PIK3R6: variants seen among roughly 807,000 people sequenced by gnomAD.
The protein encoded by PIK3R6 is phosphoinositide-3-kinase regulatory subunit 6, also known as phosphoinositide 3-kinase regulatory subunit 6.
A neutral mutation model predicts 84.9 loss-of-function variants in PIK3R6; 91 were observed. That is an observed-to-expected ratio of 1.07 (90% confidence interval 0.90 to 1.28). PIK3R6 has a LOEUF of 1.28. Ranked by LOEUF, PIK3R6 falls within the 50% of genes most tolerant of loss-of-function variation. The pLI, the probability that PIK3R6 is intolerant of heterozygous loss-of-function variation, is 0.00. For synonymous variants in PIK3R6, 416 were observed against 411.4 expected (o/e 1.01, Z -0.13); for missense variants, 996 against 985.1 (o/e 1.01, Z -0.15).
chr17:8,848,554 CTG>C (rs2151293980), intron 2 of PIK3R6, among the ~76,000 whole-genome samples: 1 of 151,644 alleles, frequency 6.6e-6, no homozygotes. Flanking sequence ...ACAATGGTAT[CTG>C]TGTGTCTAAA....
At chr17:8,807,014 CTT>C (rs1428042658) in intron 18 of PIK3R6, among the ~76,000 whole-genome samples, 1 of 152,226 alleles carries the variant, frequency 6.6e-6, no homozygotes, top group Non-Finnish European at 1.5e-5. Context: ...TAAGTTTAGA[CTT>C]TCAAAAAGCC....
intron 1 of PIK3R6, among the ~76,000 whole-genome samples, chr17:8,851,460 G>A (rs1032387830): frequency 5.3e-5 from 8 of 152,196 alleles, no homozygotes; most frequent in Non-Finnish European, 1.0e-4. Flanking sequence ...TCGCGCCACT[G>A]CACTCCAGCC....
intron 1 of PIK3R6, among the ~76,000 whole-genome samples, chr17:8,859,434 A>T (rs1309489214): frequency 6.6e-6 from 1 of 152,202 alleles, no homozygotes; most frequent in African/African-American, 2.4e-5. Flanking sequence ...TCACCGCCCC[A>T]TGCACGCAGC....
At chr17:8,841,689 A>G (rs956486990) in intron 2 of PIK3R6, among the ~76,000 whole-genome samples, 8 of 151,278 alleles carry the variant, frequency 5.3e-5, no homozygotes, top group African/African-American at 1.5e-4. Flanking sequence ...TAACAGTGGT[A>G]CGTTGACATG....
chr17:8,823,384 T>A lies in PIK3R6; in HGVS notation c.1626+3A>T. On this transcript the variant is annotated splice_donor_region_variant and intron_variant, in intron 14 of 19. Transcript: ENST00000619866. ...CCCTTGGAGCCTCCAGTGGGATGCT[T>A]ACCTTGACTGTGTAGATCTGGAAAT... 2 of 1,583,130 alleles carry A rather than the reference T, an allele frequency of 1.3e-6. No individual in the cohort carries two copies. The highest frequency in any genetic ancestry group is 1.7e-6 in the Non-Finnish European group (2 of 1,152,860).
chr17:8,865,277 T>C (rs946873822), intron 1 of PIK3R6, among the ~76,000 whole-genome samples: 10 of 152,182 alleles, frequency 6.6e-5, no homozygotes, highest in African/African-American at 2.4e-4. Flanking sequence ...TCACCATTGC[T>C]GGCTTCTCGG....
rs1308287327 is a variant in PIK3R6 at position 8,835,417 on chromosome 17, A to G, written c.501T>C (p.Ser167=). ...TCTCCAGTAGCAGAGCACTGCACAC[A>G]GACGCAGACACCAGCTCAGGATCCA... ...LFVDPELVSA[S]VCSALLLEIE... is the part of the protein sequence containing the mutation. Residue 167 remains serine (S), a synonymous_variant, in exon 8 of 20, where the codon TCT becomes TCC. Coordinates refer to ENST00000619866, the MANE Select transcript of PIK3R6 (RefSeq NM_001010855.4). 2 of 1,598,312 alleles carry G rather than the reference A, an allele frequency of 1.3e-6. No homozygotes were observed. The highest frequency in any genetic ancestry group is 1.7e-6 in the Non-Finnish European group (2 of 1,168,222).
At chr17:8,857,808 G>A (rs1411307705) in intron 1 of PIK3R6, among the ~76,000 whole-genome samples, 1 of 151,574 alleles carries the variant, frequency 6.6e-6, no homozygotes, top group Non-Finnish European at 1.5e-5. Context: ...GCTGAGGCAG[G>A]AGAATCGCTT....
At chr17:8,855,948 C>T (rs1025566043) in intron 1 of PIK3R6, among the ~76,000 whole-genome samples, 3 of 152,178 alleles carry the variant, frequency 2.0e-5, no homozygotes, top group African/African-American at 4.8e-5. Flanking sequence ...TCAGTGGGTA[C>T]GTGAATGAGC....
chr17:8,845,578 T>C (rs550901413), intron 2 of PIK3R6, among the ~76,000 whole-genome samples: 1 of 152,324 alleles, frequency 6.6e-6, no homozygotes, highest in African/African-American at 2.4e-5. Context: ...TTGGAATGCA[T>C]ACTTTGTGAA....
intron 1 of PIK3R6, among the ~76,000 whole-genome samples, chr17:8,867,069 C>T (rs188249912): frequency 5.3e-4 from 80 of 152,284 alleles, no homozygotes; most frequent in African/African-American, 1.8e-3. Flanking sequence ...TCCTTGCTAA[C>T]CCACTCTGCA....
rs34866481 is a variant in PIK3R6 at position 8,858,556 on chromosome 17, A to T, written c.-91-8671T>A. On this transcript the variant is annotated intron_variant, in intron 1 of 19. Coordinates refer to ENST00000619866, the MANE Select transcript of PIK3R6 (RefSeq NM_001010855.4). Reference sequence around the variant, plus strand: ...GGTCTCGAACTCCTGACCTCAGGTGATCCACCCACCTCGGCCTCCCAGAGT... The same window carrying T: ...GGTCTCGAACTCCTGACCTCAGGTGTTCCACCCACCTCGGCCTCCCAGAGT... Among the ~76,000 whole-genome samples, 740 of 152,116 alleles carry T rather than the reference A, an allele frequency of 4.9e-3. 2 individuals carry two copies. Among genetic ancestry groups the T allele is most frequent in the Middle Eastern group, 0.02 (6 of 294 alleles).
At chr17:8,827,907 C>T (rs1236057435) in intron 12 of PIK3R6, among the ~76,000 whole-genome samples, 1 of 151,858 alleles carries the variant, frequency 6.6e-6, no homozygotes, top group Admixed American at 6.6e-5. Flanking sequence ...AAGAGAGAGA[C>T]CCAATCTCTG....
intron 10 of PIK3R6, among the ~76,000 whole-genome samples, 159 bp downstream of exon 10, chr17:8,829,545 CAG>C (rs1389627953): frequency 1.3e-5 from 2 of 150,914 alleles, no homozygotes; most frequent in Non-Finnish European, 3.0e-5. Context: ...CGCATGCACA[CAG>C]ACACACACTC....
chr17:8,865,326 C>G (rs1481341692), intron 1 of PIK3R6, among the ~76,000 whole-genome samples: 1 of 152,200 alleles, frequency 6.6e-6, no homozygotes, highest in Non-Finnish European at 1.5e-5. Context: ...ACCTAGGCCT[C>G]CCTATACCTG....
In PIK3R6 at chr17:8,849,809, G is replaced by T. The variant is rs554335177; in HGVS notation, c.-15C>A. The T allele has an allele frequency of 6.2e-7, 1 of 1,611,386 alleles. No homozygotes were observed. The highest frequency in any genetic ancestry group is 8.5e-7 in the Non-Finnish European group (1 of 1,178,628). On this transcript the variant is annotated 5_prime_UTR_variant, in exon 2 of 20. Transcript: ENST00000619866. Reference sequence around the variant, plus strand: ...GAGCTCTCCATGGGAGCCTTTGGGTGTAGGAGGAGGAGGATGTGGTTGTCT... The same window carrying T: ...GAGCTCTCCATGGGAGCCTTTGGGTTTAGGAGGAGGAGGATGTGGTTGTCT...
At chr17:8,807,705 G>A (rs2087244265) in intron 18 of PIK3R6, among the ~76,000 whole-genome samples, 1 of 152,216 alleles carries the variant, frequency 6.6e-6, no homozygotes, top group South Asian at 2.1e-4. Flanking sequence ...GGTGGGAAGA[G>A]CCTCCAGGGA....
chr17:8,848,924 TC>T (rs2088874621), intron 2 of PIK3R6, among the ~76,000 whole-genome samples: 1 of 152,148 alleles, frequency 6.6e-6, no homozygotes, highest in Non-Finnish European at 1.5e-5. Flanking sequence ...GGGATGCCCT[TC>T]CCTTCCCCAG....
intron 9 of PIK3R6, among the ~76,000 whole-genome samples, chr17:8,831,328 TAAAAA>T (rs60650147): frequency 4.2e-4 from 14 of 33,080 alleles, no homozygotes; most frequent in South Asian, 1.9e-3. Flanking sequence ...AGACCCTGTC[TAAAAA>T]AAAAAAAAAA....
Sources: allele counts gnomAD v4.1 joint callset (sites outside exome capture counted in the v4.1 genomes callset), GRCh38; gene constraint gnomAD v4.1.1; transcripts MANE v1.5; gene names NCBI Gene and HGNC (gene_info 2026-07-23, HGNC 2026-07-21).